ANKS1B: variants seen among roughly 807,000 people sequenced by gnomAD.
The protein encoded by ANKS1B is ankyrin repeat and sterile alpha motif domain-containing protein 1B.
In ANKS1B, 36 loss-of-function variants were observed where a neutral mutation model predicts 148.3. The ratio of observed to expected loss-of-function variants is 0.24; its 90% CI spans 0.19 to 0.32. The LOEUF (loss-of-function observed/expected upper bound fraction) is 0.32, where lower values mean the gene tolerates loss of function less well. Among genes scored for constraint, ANKS1B ranks in the 10% least tolerant of loss-of-function variants. The probability of loss-of-function intolerance (pLI) is 1.00; values close to 1 mark genes in which losing one functional copy is unlikely to be tolerated. For missense variants in ANKS1B, 1,157 were observed against 1,542.6 expected (o/e 0.75, Z 4.19); for synonymous variants, 542 against 560.8 (o/e 0.97, Z 0.47).
At chr12:99,160,345 C>CTT (rs1182392964) in intron 14 of ANKS1B, among the ~76,000 whole-genome samples, 8 of 144,646 alleles carry the variant, frequency 5.5e-5, no homozygotes, top group Admixed American at 2.8e-4. Flanking sequence ...TTCTAGGATT[C>CTT]TTTTTTTTTT....
chr12:99,135,089 A>C (rs1486929073), intron 15 of ANKS1B, among the ~76,000 whole-genome samples: 1 of 152,214 alleles, frequency 6.6e-6, no homozygotes, highest in Non-Finnish European at 1.5e-5. Flanking sequence ...TAACAGGTTC[A>C]AAACAATACA....
chr12:98,867,370 TAATC>T (rs2099629926), intron 17 of ANKS1B, among the ~76,000 whole-genome samples: 1 of 152,202 alleles, frequency 6.6e-6, no homozygotes, highest in South Asian at 2.1e-4. Flanking sequence ...AAGAAAAATG[TAATC>T]TATTTCCTAC....
intron 1 of ANKS1B, among the ~76,000 whole-genome samples, chr12:99,979,064 AG>A (rs1433606248): frequency 6.6e-6 from 1 of 152,044 alleles, no homozygotes; most frequent in Non-Finnish European, 1.5e-5. Context: ...GTTGTGCCAA[AG>A]GAAGAGAGGT....
chr12:99,867,232 C>T (rs893106653), intron 1 of ANKS1B, among the ~76,000 whole-genome samples: 2 of 152,112 alleles, frequency 1.3e-5, no homozygotes, highest in Non-Finnish European at 2.9e-5. Context: ...AAACATAGAG[C>T]CATTATGGCC....
chr12:98,939,679 T>G (rs1351445872), intron 17 of ANKS1B, among the ~76,000 whole-genome samples: 1 of 152,198 alleles, frequency 6.6e-6, no homozygotes, highest in Non-Finnish European at 1.5e-5. Context: ...CCCCCAATAA[T>G]TTAAGCTTTG....
chr12:99,134,641 T>TCACACA (rs1314829413), intron 15 of ANKS1B, among the ~76,000 whole-genome samples: 4 of 81,698 alleles, frequency 4.9e-5, no homozygotes, highest in South Asian at 4.9e-4. Flanking sequence ...TCTCTCTCTC[T>TCACACA]CTCTCACACA....
chr12:99,529,088 T>C (rs1477456547), intron 9 of ANKS1B, among the ~76,000 whole-genome samples: 3 of 152,280 alleles, frequency 2.0e-5, no homozygotes, highest in Non-Finnish European at 4.4e-5. Flanking sequence ...AAATTGGAAA[T>C]GGTGAAATCC....
chr12:99,319,667 C>A (rs1035422318), intron 12 of ANKS1B, among the ~76,000 whole-genome samples: 32 of 152,138 alleles, frequency 2.1e-4, no homozygotes, highest in Non-Finnish European at 1.0e-4. Context: ...GAGCATTTAG[C>A]CCATTTACAT....
intron 1 of ANKS1B, among the ~76,000 whole-genome samples, chr12:99,973,463 CCAGCTA>C (rs1296589732): frequency 6.6e-6 from 1 of 152,148 alleles, no homozygotes; most frequent in Non-Finnish European, 1.5e-5. Context: ...GCCTGTGGTC[CCAGCTA>C]CACAGGAGGC....
At chr12:99,639,184 G>T (rs2098275909) in intron 9 of ANKS1B, among the ~76,000 whole-genome samples, 1 of 152,154 alleles carries the variant, frequency 6.6e-6, no homozygotes, top group Admixed American at 6.5e-5. Context: ...AGAACTTAAA[G>T]GTTTAATGAC....
intron 17 of ANKS1B, among the ~76,000 whole-genome samples, chr12:98,901,555 T>C (rs189724280): frequency 1.6e-3 from 244 of 152,360 alleles, no homozygotes; most frequent in African/African-American, 5.5e-3. Flanking sequence ...ACTATAAATA[T>C]GGATTTATAA....
Position 99,655,134 on chromosome 12 carries a change from G to A in ANKS1B, c.1205C>T (p.Ser402Leu). The A allele has an allele frequency of 6.2e-7, 1 of 1,612,754 alleles. No individual in the cohort carries two copies. Among genetic ancestry groups the A allele is most frequent in the Non-Finnish European group, 8.5e-7 (1 of 1,179,152 alleles). ...EDDDENTCGP[S>L]GLWEALTPCN... The stretch of plus-strand genomic sequence containing the variant: ...CGGAGTTAATGCTTCCCAAAGTCCT[G>A]ATGGCCCACACGTATTTTCATCATC... The change falls in exon 9 of 27, where the codon TCA becomes TTA. Residue 402 changes from serine (S) to leucine (L), a missense_variant. This residue lies in a region of ANKS1B where 661 missense variants were observed against 642.1 expected (regional missense o/e 1.03). Coordinates refer to ENST00000683438, the MANE Select transcript of ANKS1B (RefSeq NM_001352186.2).
chr12:99,766,827 A>G (rs1460590872), intron 8 of ANKS1B, among the ~76,000 whole-genome samples: 3 of 152,116 alleles, frequency 2.0e-5, no homozygotes, highest in African/African-American at 7.2e-5. Flanking sequence ...GCCTCCCAAG[A>G]TTCTCTAAAT....
chr12:99,967,711 A>T (rs2095502681), intron 1 of ANKS1B, among the ~76,000 whole-genome samples: 1 of 151,976 alleles, frequency 6.6e-6, no homozygotes, highest in Non-Finnish European at 1.5e-5. Context: ...GATCCAGAAC[A>T]TCTTGGCCAA....
intron 22 of ANKS1B, among the ~76,000 whole-genome samples, chr12:98,793,121 C>T (rs899844474): frequency 1.3e-5 from 2 of 152,312 alleles, no homozygotes; most frequent in Non-Finnish European, 2.9e-5. Context: ...TTCTCACCAA[C>T]ATTTGTTATC....
chr12:99,204,340 TA>T (rs775529698), intron 14 of ANKS1B, among the ~76,000 whole-genome samples: 15 of 152,224 alleles, frequency 9.9e-5, no homozygotes, highest in Non-Finnish European at 1.6e-4. Context: ...CTTGCTTCTA[TA>T]AAACAGAACA....
At chr12:99,062,431 C>G (rs1028509479) in intron 16 of ANKS1B, among the ~76,000 whole-genome samples, 19 of 152,076 alleles carry the variant, frequency 1.2e-4, no homozygotes, top group Non-Finnish European at 2.8e-4. Context: ...TGAACCAACA[C>G]TTTCAATGCA....
At chr12:99,469,908 C>T (rs1006438795) in intron 10 of ANKS1B, among the ~76,000 whole-genome samples, 2 of 151,830 alleles carry the variant, frequency 1.3e-5, no homozygotes, top group African/African-American at 4.8e-5. Context: ...TTGCTTGAGG[C>T]CAGGAGTTCC....
chr12:99,830,709 GA>G (rs1284966181), intron 1 of ANKS1B, among the ~76,000 whole-genome samples: 1 of 150,830 alleles, frequency 6.6e-6, no homozygotes, highest in Non-Finnish European at 1.5e-5. Flanking sequence ...TAATGGGAAG[GA>G]AAAAACAATT....
Sources: allele counts gnomAD v4.1 joint callset (sites outside exome capture counted in the v4.1 genomes callset), GRCh38; gene constraint gnomAD v4.1.1; regional missense constraint gnomAD v4.1.1; transcripts MANE v1.5; gene names NCBI Gene and HGNC (gene_info 2026-07-23, HGNC 2026-07-21).